The following DMXL2 variants were observed in gnomAD, a reference collection of about 807,000 sequenced individuals.
DMXL2 encodes the protein Dmx like 2, also known as dmX-like protein 2.
Under a neutral mutation model 331.1 loss-of-function variants are expected in DMXL2, and 103 were observed. The observed-to-expected ratio is 0.31, with a 90% CI of 0.27 to 0.37. The LOEUF (loss-of-function observed/expected upper bound fraction) is 0.37, where lower values mean the gene tolerates loss of function less well. Ranked by LOEUF, DMXL2 falls within the 10% of genes least tolerant of loss-of-function variation. The pLI is 1.00. For synonymous variants in DMXL2, 1,281 were observed against 1,252.1 expected (o/e 1.02, Z -0.49); for missense variants, 3,171 against 3,642.9 (o/e 0.87, Z 3.33).
rs2049006332 is a variant in DMXL2, at chr15:51,548,360, T to C, written c.568-952A>G. On this transcript the variant is annotated intron_variant, in intron 6 of 43. Coordinates refer to ENST00000560891, the MANE Select transcript of DMXL2 (RefSeq NM_001378457.1). ...GTTTTTTTCATCTTGGTACTCATTC[T>C]CAATTTGTGCTGCATAATGAAACAA... Among the ~76,000 whole-genome samples the C allele has an allele frequency of 2.0e-5, 3 of 152,128 alleles. No homozygotes were observed. In the South Asian group the frequency reaches 6.2e-4, roughly 32 times the overall value.
Position 51,466,360 on chromosome 15 carries a change from CAT to C in DMXL2, c.7393-51_7393-50del, listed in dbSNP as rs1491247058. 15 of 737,090 alleles carry C rather than the reference CAT, an allele frequency of 2.0e-5. No individual in the cohort carries two copies. In the South Asian group the frequency reaches 4.1e-4, roughly 20 times the overall value. 45.7% of individuals were successfully genotyped at this position (737,090 alleles called of 1,614,324 possible). On this transcript the variant is annotated intron_variant, in intron 29 of 43. Coordinates refer to ENST00000560891, the MANE Select transcript of DMXL2 (RefSeq NM_001378457.1). ...TTTTTAAAGATTATAATTTCATAAACATATAAAATATATTTTATATAACATGT... is the reference window on the plus strand; with the variant it reads ...TTTTTAAAGATTATAATTTCATAAACATAAAATATATTTTATATAACATGT...
intron 41 of DMXL2, among the ~76,000 whole-genome samples, chr15:51,452,830 A>G (rs1171125722): frequency 6.6e-6 from 1 of 152,230 alleles, no homozygotes; most frequent in African/African-American, 2.4e-5. Context: ...TTGCAAAACT[A>G]TGGAACCAAC....
At chr15:51,619,425 G>C (rs956545755) in intron 1 of DMXL2, among the ~76,000 whole-genome samples, 5 of 152,200 alleles carry the variant, frequency 3.3e-5, no homozygotes, top group Non-Finnish European at 5.9e-5. Flanking sequence ...AAACACAAGT[G>C]AAAAGCATCA....
intron 1 of DMXL2, among the ~76,000 whole-genome samples, chr15:51,600,158 T>C (rs772500204): frequency 7.9e-5 from 12 of 152,234 alleles, no homozygotes; most frequent in Non-Finnish European, 1.5e-4. Context: ...AGTCTGACTT[T>C]CTCATTCAAG....
intron 2 of DMXL2, among the ~76,000 whole-genome samples, chr15:51,572,872 G>C (rs1313209660): frequency 1.3e-5 from 2 of 152,160 alleles, no homozygotes; most frequent in East Asian, 3.9e-4. Flanking sequence ...TTGCAAACCA[G>C]TACAAGACAA....
intron 13 of DMXL2, among the ~76,000 whole-genome samples, chr15:51,521,837 C>T (rs2047399094): frequency 6.6e-6 from 1 of 152,076 alleles, no homozygotes; most frequent in South Asian, 2.1e-4. Flanking sequence ...TTTATTCTTC[C>T]ATGTACTATA....
chr15:51,480,220 C>A (rs1364458862), intron 24 of DMXL2, 81 bp from the exon 25 acceptor site: 1 of 1,326,992 alleles, frequency 7.5e-7, no homozygotes, highest in Non-Finnish European at 1.0e-6. Flanking sequence ...TGGTGATAAA[C>A]ATTGTGTAAA....
At chr15:51,613,642 GATATT>G (rs1178901350) in intron 1 of DMXL2, among the ~76,000 whole-genome samples, 1 of 152,142 alleles carries the variant, frequency 6.6e-6, no homozygotes, top group Non-Finnish European at 1.5e-5. Flanking sequence ...TTACAATGCA[GATATT>G]ATATTAATTT....
At chr15:51,572,824 A>G (rs1171478732) in intron 2 of DMXL2, among the ~76,000 whole-genome samples, 3 of 152,230 alleles carry the variant, frequency 2.0e-5, no homozygotes, top group Non-Finnish European at 4.4e-5. Flanking sequence ...CCCACAGCCA[A>G]TATCATACTA....
rs1268691421 is a variant in DMXL2, at chr15:51,537,679, T to C, written c.1426A>G (p.Thr476Ala). ...EDGEREGSPR[T>A]YSRLSVPMPL... ...ATTGGTACACTAAGTCGTGAGTAAG[T>C]TCTAGGACTTCCTTCTCTTTCTCCA... The change falls in exon 11 of 44, where the codon ACT (threonine) becomes GCT (alanine). Residue 476 changes from threonine (T) to alanine (A), a missense_variant. Coordinates refer to ENST00000560891, the MANE Select transcript of DMXL2 (RefSeq NM_001378457.1). 1.2e-6 allele frequency: 2 copies of C among 1,613,748 alleles called. No homozygotes were observed. The highest frequency in any genetic ancestry group is 1.6e-4 in the Middle Eastern group (1 of 6,078).
At chr15:51,503,847 C>T (rs1791200905) in intron 16 of DMXL2, among the ~76,000 whole-genome samples, 1 of 151,980 alleles carries the variant, frequency 6.6e-6, no homozygotes. Context: ...AATTATTATG[C>T]ATCAATAAAT....
chr15:51,598,129 T>A (rs960387604), intron 1 of DMXL2, among the ~76,000 whole-genome samples: 2 of 152,194 alleles, frequency 1.3e-5, no homozygotes, highest in African/African-American at 4.8e-5. Flanking sequence ...GTCCAATCTA[T>A]CATTAATCTC....
chr15:51,563,199 C>T (rs558431344), intron 6 of DMXL2, among the ~76,000 whole-genome samples, 182 bp downstream of exon 6: 2 of 152,250 alleles, frequency 1.3e-5, no homozygotes, highest in East Asian at 1.9e-4. Flanking sequence ...ATTTCCCAAG[C>T]GCCTACAACC....
Position 51,538,234 on chromosome 15 carries a change from A to G in DMXL2, c.1324T>C (p.Leu442=), listed in dbSNP as rs776851071. The part of the protein sequence containing the change: ...EHSQEDRERG[L]HMKLDHDLSL... ...TAACCATGGTCTAATTTCATATGTA[A>G]ACCCCGTTCTCTATCCTCCTGTGAA... Residue 442 remains leucine (L), a synonymous_variant, in exon 10 of 44, where the codon TTA becomes CTA. Coordinates refer to ENST00000560891, the MANE Select transcript of DMXL2 (RefSeq NM_001378457.1). The G allele has an allele frequency of 1.9e-6, 3 of 1,613,152 alleles. No homozygotes were observed. Among genetic ancestry groups the G allele is most frequent in the African/African-American group, 2.7e-5 (2 of 75,012 alleles).
intron 17 of DMXL2, 52 bp downstream of exon 17, chr15:51,502,754 C>A: frequency 8.4e-7 from 1 of 1,194,818 alleles, no homozygotes; most frequent in South Asian, 1.2e-5. Context: ...CTAAAGAGTT[C>A]ATATATTTTA....
chr15:51,562,228 C>CAT (rs1238376613), intron 6 of DMXL2, among the ~76,000 whole-genome samples: 2 of 151,922 alleles, frequency 1.3e-5, no homozygotes, highest in South Asian at 2.1e-4. Flanking sequence ...ACATGTATCC[C>CAT]ATATATATAT....
intron 1 of DMXL2, among the ~76,000 whole-genome samples, chr15:51,621,399 C>G (rs1457744049): frequency 6.6e-6 from 1 of 152,184 alleles, no homozygotes; most frequent in African/African-American, 2.4e-5. Context: ...AAAGGGTTTT[C>G]CTTGTCTAAA....
intron 1 of DMXL2, among the ~76,000 whole-genome samples, chr15:51,600,925 G>A (rs1182345268): frequency 6.6e-6 from 1 of 152,026 alleles, no homozygotes; most frequent in Non-Finnish European, 1.5e-5. Flanking sequence ...GCCCCATCAG[G>A]ACAGACATAC....
intron 2 of DMXL2, among the ~76,000 whole-genome samples, chr15:51,569,358 C>A (rs1255473985): frequency 6.6e-6 from 1 of 152,156 alleles, no homozygotes; most frequent in African/African-American, 2.4e-5. Flanking sequence ...CCACAGCTCC[C>A]CGAGACAGAG....
Sources: gnomAD v4.1 joint callset for allele counts (sites outside exome capture counted in the v4.1 genomes callset) on GRCh38, gnomAD v4.1.1 for gene constraint, MANE v1.5 for transcripts, NCBI Gene and HGNC (gene_info 2026-07-23, HGNC 2026-07-21) for gene names.